LPXN: variants seen among roughly 807,000 people sequenced by gnomAD.
LPXN encodes the protein leupaxin.
Under a neutral mutation model 45.6 loss-of-function variants are expected in LPXN, and 28 were observed. The observed-to-expected ratio is 0.61, with a 90% CI of 0.45 to 0.84. LPXN has a LOEUF of 0.84. LPXN is among the 40% of genes least tolerant of loss of function. The pLI is 0.00. For missense variants in LPXN, 459 were observed against 475.0 expected, an observed-to-expected ratio of 0.97 and a Z score of 0.31; for synonymous variants, 166 against 169.9, an observed-to-expected ratio of 0.98 and a Z score of 0.18.
At chr11:58,545,949 T>C (rs2120289973) in intron 7 of LPXN, among the ~76,000 whole-genome samples, 1 of 152,288 alleles carries the variant, frequency 6.6e-6, no homozygotes, top group East Asian at 1.9e-4. Flanking sequence ...CATAATAATA[T>C]GCCTGATATT....
At chr11:58,557,973 T>G (rs1854258840) in intron 3 of LPXN, among the ~76,000 whole-genome samples, 1 of 152,064 alleles carries the variant, frequency 6.6e-6, no homozygotes. Flanking sequence ...AATAAGATGA[T>G]GTTAACATTT....
chr11:58,578,679 A>C (rs1854997777), upstream of LPXN, among the ~76,000 whole-genome samples: 4 of 152,242 alleles, frequency 2.6e-5, no homozygotes, highest in South Asian at 8.3e-4. Context: ...CTAAAGAAGA[A>C]TAGAAAGAGC....
At chr11:58,558,816 T>G (rs1854289871) in intron 3 of LPXN, among the ~76,000 whole-genome samples, 1 of 151,766 alleles carries the variant, frequency 6.6e-6, no homozygotes, top group African/African-American at 2.4e-5. Flanking sequence ...TATTTTTAAA[T>G]GTAAAGATAA....
At chr11:58,571,247 G>A (rs1355979083) in intron 1 of LPXN, among the ~76,000 whole-genome samples, 8 of 151,968 alleles carry the variant, frequency 5.3e-5, no homozygotes, top group Admixed American at 5.2e-4. Flanking sequence ...GGCTGAGGTG[G>A]GAGGATCACC....
At chr11:58,572,273 AGAAGAGATCTAATCCT>A (rs1245987575) in intron 1 of LPXN, among the ~76,000 whole-genome samples, 8 of 152,138 alleles carry the variant, frequency 5.3e-5, no homozygotes, top group Non-Finnish European at 1.2e-4. Context: ...TAATGGCGTT[AGAAGAGATCTAATCCT>A]TTTTTTTTTA....
chr11:58,541,020 C>T (rs1275704531), intron 7 of LPXN, among the ~76,000 whole-genome samples: 1 of 152,046 alleles, frequency 6.6e-6, no homozygotes, highest in Non-Finnish European at 1.5e-5. Flanking sequence ...CTTCCTTACA[C>T]CTTATACAAA....
At chr11:58,542,237 A>ATGAG (rs35912008) in intron 7 of LPXN, among the ~76,000 whole-genome samples, 65,767 of 151,380 alleles carry the variant, frequency 0.43, 14,479 homozygotes, top group Middle Eastern at 0.53. Flanking sequence ...GTTGGACATT[A>ATGAG]TAAGTCAGGA....
chr11:58,556,001 G>A (rs1267162306), intron 3 of LPXN, among the ~76,000 whole-genome samples: 2 of 151,728 alleles, frequency 1.3e-5, no homozygotes, highest in Non-Finnish European at 2.9e-5. Context: ...AGTTTTTGGG[G>A]GATCATTGTA....
intron 7 of LPXN, among the ~76,000 whole-genome samples, chr11:58,540,096 G>A (rs1413715219): frequency 1.3e-5 from 2 of 151,990 alleles, no homozygotes; most frequent in East Asian, 3.9e-4. Flanking sequence ...CCCGAAAACT[G>A]AACCTAAACC....
In LPXN at chr11:58,570,624, T is replaced by C. The variant is rs1252518732; in HGVS notation, c.103A>G (p.Arg35Gly). Residue 35 changes from arginine to glycine, a missense_variant, in exon 2 of 9, where the codon AGA becomes GGA. Physicochemically the swap from Arg to Gly is moderately radical, Grantham distance 125 (BLOSUM62 -2). Coordinates refer to ENST00000395074, the MANE Select transcript of LPXN (RefSeq NM_004811.3). Reference sequence around the variant, plus strand: ...GTCTCATCAAGGTTAGTCTCCTTTCTGGAATGCTGATCCAGGGGAAGAGGA... The same window carrying C: ...GTCTCATCAAGGTTAGTCTCCTTTCCGGAATGCTGATCCAGGGGAAGAGGA... Reference protein sequence around the residue: ...PAPLPLDQHSRKETNLDETSE... With the variant: ...PAPLPLDQHSGKETNLDETSE... The C allele has an allele frequency of 1.9e-6, 3 of 1,613,710 alleles. No homozygotes were observed. Among genetic ancestry groups the C allele is most frequent in the Non-Finnish European group, 2.5e-6 (3 of 1,179,902 alleles).
chr11:58,575,937 G>T, upstream of LPXN: 2 of 1,423,534 alleles, frequency 1.4e-6, no homozygotes, highest in Non-Finnish European at 1.8e-6. Context: ...TTGATTTGGT[G>T]AGCTTTTTTT....
intron 2 of LPXN, among the ~76,000 whole-genome samples, chr11:58,568,985 G>T (rs1231794604): frequency 6.6e-6 from 1 of 152,194 alleles, no homozygotes; most frequent in African/African-American, 2.4e-5. Flanking sequence ...GGGGCAAAGG[G>T]CAGGAGACCA....
chr11:58,540,983 C>G (rs1372329433), intron 7 of LPXN, among the ~76,000 whole-genome samples: 2 of 152,144 alleles, frequency 1.3e-5, no homozygotes, highest in African/African-American at 4.8e-5. Flanking sequence ...ACTGGCTAGT[C>G]ATATGTAAAA....
chr11:58,539,653 T>C (rs950302773), intron 7 of LPXN, among the ~76,000 whole-genome samples: 15 of 152,214 alleles, frequency 9.9e-5, no homozygotes, highest in African/African-American at 3.4e-4. Context: ...CTCCATGAGT[T>C]CATAATGATT....
At chr11:58,573,639 CTG>C (rs1480328303) in intron 1 of LPXN, among the ~76,000 whole-genome samples, 1 of 152,114 alleles carries the variant, frequency 6.6e-6, no homozygotes, top group Admixed American at 6.5e-5. Context: ...ATCACCAACA[CTG>C]TGAGGTTATT....
At chr11:58,568,257 T>A (rs1854581400) in intron 2 of LPXN, among the ~76,000 whole-genome samples, 1 of 152,146 alleles carries the variant, frequency 6.6e-6, no homozygotes, top group African/African-American at 2.4e-5. Flanking sequence ...CTGAACAGAA[T>A]CAAGAAAAAA....
At position 58,575,759 on chromosome 11, in the gene LPXN, C is replaced by T; in HGVS notation, c.13+1G>A. ...AGTTTCTCCTCAGGCTCCTCACTCACCTAACTCTTCCATTGTCCTACATCC... is the reference window on the plus strand; with the variant it reads ...AGTTTCTCCTCAGGCTCCTCACTCATCTAACTCTTCCATTGTCCTACATCC... On this transcript the variant is annotated splice_donor_variant, in intron 1 of 8. Transcript: ENST00000395074. LOFTEE classifies it high-confidence loss of function. 6.2e-7 allele frequency: 1 copy of T among 1,614,212 alleles called. No individual in the cohort carries two copies. The highest frequency in any genetic ancestry group is 8.5e-7 in the Non-Finnish European group (1 of 1,180,032).
chr11:58,577,459 A>C (rs1200372708), upstream of LPXN, among the ~76,000 whole-genome samples: 1 of 152,078 alleles, frequency 6.6e-6, no homozygotes, highest in East Asian at 1.9e-4. Context: ...GGATCCCCAG[A>C]TCTTGTTTCC....
chr11:58,554,329 A>T (rs2120351754), intron 4 of LPXN, among the ~76,000 whole-genome samples: 1 of 152,066 alleles, frequency 6.6e-6, no homozygotes, highest in South Asian at 2.1e-4. Context: ...AAACAAACAA[A>T]CAAACAAACA....
Sources: gnomAD v4.1 joint callset for allele counts (sites outside exome capture counted in the v4.1 genomes callset) on GRCh38, gnomAD v4.1.1 for gene constraint, MANE v1.5 for transcripts, NCBI Gene and HGNC (gene_info 2026-07-23, HGNC 2026-07-21) for gene names.